Variants in RIMS2 observed in about 807,000 individuals in gnomAD.
The protein encoded by RIMS2 is regulating synaptic membrane exocytosis protein 2.
RIMS2 carries 59 observed loss-of-function variants against 174.4 expected under a neutral mutation model. That is an observed-to-expected ratio of 0.34 (90% CI 0.27 to 0.42). The LOEUF (loss-of-function observed/expected upper bound fraction) is 0.42, where lower values mean the gene tolerates loss of function less well. Among genes scored for constraint, RIMS2 ranks in the 10% least tolerant of loss-of-function variants. RIMS2 has a pLI of 1.00. For missense variants in RIMS2, 1,620 were observed against 1,666.3 expected, an observed-to-expected ratio of 0.97 and a Z score of 0.48; for synonymous variants, 606 against 572.5, an observed-to-expected ratio of 1.06 and a Z score of -0.84.
intron 4 of RIMS2, among the ~76,000 whole-genome samples, chr8:103,904,990 A>T (rs2074064919): frequency 6.6e-6 from 1 of 152,042 alleles, no homozygotes; most frequent in Admixed American, 6.5e-5. Flanking sequence ...GCTGACGTTT[A>T]ACTAGACTGG....
intron 1 of RIMS2, among the ~76,000 whole-genome samples, chr8:103,694,396 G>T (rs1488270185): frequency 2.0e-5 from 3 of 151,950 alleles, no homozygotes; most frequent in Non-Finnish European, 4.4e-5. Context: ...TGGAGGCTGG[G>T]TCTTTGTGTG....
chr8:104,085,374 A>G (rs2097519799), intron 19 of RIMS2, among the ~76,000 whole-genome samples: 1 of 152,230 alleles, frequency 6.6e-6, no homozygotes, highest in Non-Finnish European at 1.5e-5. Context: ...ATGTTAGCTC[A>G]CTGTAATCAG....
At chr8:103,740,480 T>G (rs2097750339) in intron 2 of RIMS2, among the ~76,000 whole-genome samples, 1 of 152,150 alleles carries the variant, frequency 6.6e-6, no homozygotes, top group Non-Finnish European at 1.5e-5. Context: ...TTTAGCTCAA[T>G]GGAAGATGGT....
At chr8:103,572,095 C>T (rs1233512904) in intron 1 of RIMS2, among the ~76,000 whole-genome samples, 1 of 152,016 alleles carries the variant, frequency 6.6e-6, no homozygotes, top group Non-Finnish European at 1.5e-5. Flanking sequence ...TTGTTCCTTC[C>T]GATGTTCAGA....
At chr8:103,516,007 A>G (rs1828778170) in intron 1 of RIMS2, among the ~76,000 whole-genome samples, 1 of 152,124 alleles carries the variant, frequency 6.6e-6, no homozygotes, top group African/African-American at 2.4e-5. Flanking sequence ...CTATACACTT[A>G]CTAATATCAT....
chr8:103,713,129 C>T lies in RIMS2; in HGVS notation c.387+15833C>T, dbSNP rs149989762. On this transcript the variant is annotated intron_variant, in intron 2 of 23. Transcript: ENST00000504942. ...CACTTCCTGGGTTCAAGTGATTCTC[C>T]TGCCTCAGCCTCCTGAGTAGCTGGG... 7.8e-3 allele frequency among the ~76,000 whole-genome samples: 1,182 copies of T among 152,146 alleles called. 19 individuals are homozygous for T. The highest frequency in any genetic ancestry group is 0.049 in the South Asian group (235 of 4,820).
At chr8:103,723,456 G>T (rs548400109) in intron 2 of RIMS2, among the ~76,000 whole-genome samples, 16 of 152,320 alleles carry the variant, frequency 1.1e-4, no homozygotes, top group African/African-American at 3.6e-4. Context: ...TGGGTCAGAT[G>T]GCTTGGTACC....
At chr8:104,008,711 T>G (rs2095665151) in intron 17 of RIMS2, among the ~76,000 whole-genome samples, 1 of 151,988 alleles carries the variant, frequency 6.6e-6, no homozygotes, top group South Asian at 2.1e-4. Flanking sequence ...TCTACGTGAA[T>G]GGTGTCTTGC....
chr8:103,696,946 C>A, intron 1 of RIMS2, 140 bp from the exon 4 acceptor site: 5 of 512,144 alleles, frequency 9.8e-6, no homozygotes, highest in African/African-American at 2.0e-5. Flanking sequence ...GTTAATTTAT[C>A]ATCAGAAAAT....
intron 1 of RIMS2, among the ~76,000 whole-genome samples, chr8:103,543,352 G>T (rs1035116049): frequency 6.6e-6 from 1 of 152,082 alleles, no homozygotes; most frequent in African/African-American, 2.4e-5. Context: ...ATTGATGAAA[G>T]AAATTGAAGA....
chr8:104,097,289 A>G (rs117155846), intron 19 of RIMS2, among the ~76,000 whole-genome samples: 118 of 152,298 alleles, frequency 7.7e-4, no homozygotes, highest in Non-Finnish European at 1.1e-3. Flanking sequence ...TTATACACAT[A>G]GCCTGAAGGT....
At chr8:103,606,844 C>A (rs1010541081) in intron 1 of RIMS2, among the ~76,000 whole-genome samples, 3 of 150,534 alleles carry the variant, frequency 2.0e-5, no homozygotes, top group African/African-American at 7.3e-5. Context: ...TTTTGTTTTC[C>A]ATTTGCTTGG....
At chr8:103,709,048 A>G (rs1436422396) in intron 2 of RIMS2, among the ~76,000 whole-genome samples, 1 of 151,994 alleles carries the variant, frequency 6.6e-6, no homozygotes, top group Non-Finnish European at 1.5e-5. Context: ...TCCTTCTGCA[A>G]TGTCAAATCT....
intron 1 of RIMS2, among the ~76,000 whole-genome samples, chr8:103,633,146 C>A (rs1456821857): frequency 6.6e-6 from 1 of 151,708 alleles, no homozygotes; most frequent in Non-Finnish European, 1.5e-5. Context: ...CCTGCCTCAG[C>A]CTCCTGAGTA....
intron 3 of RIMS2, among the ~76,000 whole-genome samples, chr8:103,862,592 C>A (rs2099064621): frequency 6.6e-6 from 1 of 152,066 alleles, no homozygotes; most frequent in Non-Finnish European, 1.5e-5. Flanking sequence ...TTACCTCCTG[C>A]AATCCATGAG....
At chr8:103,924,393 A>G (rs1049787272) in intron 10 of RIMS2, among the ~76,000 whole-genome samples, 2 of 151,680 alleles carry the variant, frequency 1.3e-5, no homozygotes, top group Non-Finnish European at 3.0e-5. Flanking sequence ...CTAAGATGCT[A>G]TCTTGTATAT....
At chr8:103,600,306 G>T (rs1588656023) in intron 1 of RIMS2, among the ~76,000 whole-genome samples, 1 of 150,490 alleles carries the variant, frequency 6.6e-6, no homozygotes, top group African/African-American at 2.5e-5. Context: ...GTCTCAGTCT[G>T]TCACCCAGGC....
intron 3 of RIMS2, chr8:103,768,434 AT>A: frequency 1.3e-6 from 1 of 763,772 alleles, no homozygotes; most frequent in Non-Finnish European, 2.4e-6. Flanking sequence ...TGTGGTCCTA[AT>A]CAGTGGTGGG....
intron 1 of RIMS2, among the ~76,000 whole-genome samples, chr8:103,598,345 G>C (rs946904008): frequency 2.6e-5 from 4 of 152,132 alleles, no homozygotes; most frequent in African/African-American, 9.7e-5. Flanking sequence ...AGCTCTTTTG[G>C]TCTTGTGCTA....
Sources: allele counts gnomAD v4.1 joint callset (sites outside exome capture counted in the v4.1 genomes callset), GRCh38; gene constraint gnomAD v4.1.1; transcripts MANE v1.5; gene names NCBI Gene and HGNC (gene_info 2026-07-23, HGNC 2026-07-21).